Variants in TMEM156 observed in about 807,000 individuals in gnomAD.
The protein encoded by TMEM156 is transmembrane protein 156.
TMEM156 carries 28 observed loss-of-function variants against 30.5 expected under a neutral mutation model. The ratio of observed to expected loss-of-function variants is 0.92; its 90% CI spans 0.68 to 1.26. TMEM156 has a LOEUF of 1.26. Among genes scored for constraint, TMEM156 ranks in the 50% most tolerant of loss-of-function variants. The pLI is 0.00. For synonymous variants in TMEM156, 137 were observed against 119.9 expected (o/e 1.14, Z -0.93); for missense variants, 351 against 340.6 (o/e 1.03, Z -0.24).
At chr4:38,992,267 A>G (rs944327402) in intron 3 of TMEM156, among the ~76,000 whole-genome samples, 9 of 150,250 alleles carry the variant, frequency 6.0e-5, no homozygotes, top group African/African-American at 2.0e-4. Context: ...GCCCTCTTTC[A>G]GATTGTTTCA....
intron 5 of TMEM156, among the ~76,000 whole-genome samples, chr4:38,973,985 A>G (rs1043008283): frequency 2.6e-5 from 4 of 152,014 alleles, no homozygotes; most frequent in Admixed American, 2.0e-4. Context: ...AAATATGATG[A>G]TGAGTAACAG....
intron 5 of TMEM156, among the ~76,000 whole-genome samples, chr4:38,984,493 C>T (rs1711824181): frequency 6.6e-6 from 1 of 152,000 alleles, no homozygotes; most frequent in South Asian, 2.1e-4. Context: ...GTCACCACCG[C>T]TTTGAACTAC....
rs372661252 is a variant in TMEM156, at chr4:38,969,545, A to G, written c.*38+1487T>C. 9.4e-4 allele frequency among the ~76,000 whole-genome samples: 143 copies of G among 152,326 alleles called. 2 individuals are homozygous for G. In the South Asian group the frequency reaches 0.024, roughly 26 times the overall value. ...AGTGCTACAATAAACATGTGAGTATAGGTATCCCTTTGCTATAGTGATTTA... is the reference window on the plus strand; with the variant it reads ...AGTGCTACAATAAACATGTGAGTATGGGTATCCCTTTGCTATAGTGATTTA... On this transcript the variant is annotated intron_variant, in intron 6 of 6. Transcript: ENST00000381938.
At chr4:39,004,982 A>G (rs1713628129) in intron 1 of TMEM156, among the ~76,000 whole-genome samples, 1 of 152,228 alleles carries the variant, frequency 6.6e-6, no homozygotes, top group Non-Finnish European at 1.5e-5. Context: ...AAACAATTCA[A>G]ATGTCTAAAA....
intron 6 of TMEM156, among the ~76,000 whole-genome samples, chr4:38,969,640 C>T (rs912246623): frequency 4.6e-5 from 7 of 152,216 alleles, no homozygotes; most frequent in East Asian, 1.9e-4. Flanking sequence ...CAAGCTAGAG[C>T]GCAGTGGCAT....
intron 6 of TMEM156, among the ~76,000 whole-genome samples, chr4:38,967,995 C>T (rs1445411159): frequency 3.3e-5 from 5 of 152,216 alleles, no homozygotes; most frequent in African/African-American, 1.2e-4. Flanking sequence ...AGTTTACATT[C>T]CTACCAGCAG....
At chr4:39,006,107 G>T (rs571563694) in intron 1 of TMEM156, among the ~76,000 whole-genome samples, 23 of 152,144 alleles carry the variant, frequency 1.5e-4, no homozygotes, top group Admixed American at 1.5e-3. Context: ...TATTGGCCAG[G>T]CTGGTCTCAA....
intron 5 of TMEM156, 32 bp downstream of exon 5, chr4:38,986,304 G>C (rs376321373): frequency 6.7e-7 from 1 of 1,503,206 alleles, no homozygotes; most frequent in South Asian, 1.1e-5. Flanking sequence ...AATTTCCTGA[G>C]TGCTGTTTTG....
At chr4:38,984,163 C>T (rs1711781696) in intron 5 of TMEM156, among the ~76,000 whole-genome samples, 1 of 152,216 alleles carries the variant, frequency 6.6e-6, no homozygotes, top group Admixed American at 6.5e-5. Flanking sequence ...TCTCTTTCTA[C>T]AGCAGCAGGA....
chr4:39,026,381 A>G (rs937858042), intron 1 of TMEM156, among the ~76,000 whole-genome samples: 2 of 152,024 alleles, frequency 1.3e-5, no homozygotes, highest in Non-Finnish European at 2.9e-5. Flanking sequence ...TTAAAAAAAA[A>G]AGAGATATAC....
At chr4:39,014,002 G>A (rs1308708309) in intron 1 of TMEM156, among the ~76,000 whole-genome samples, 1 of 152,068 alleles carries the variant, frequency 6.6e-6, no homozygotes, top group Non-Finnish European at 1.5e-5. Flanking sequence ...CACCTTATAG[G>A]ATGAAAACAG....
chr4:38,979,953 G>A (rs1178797604), intron 5 of TMEM156, among the ~76,000 whole-genome samples: 1 of 152,094 alleles, frequency 6.6e-6, no homozygotes, highest in Non-Finnish European at 1.5e-5. Context: ...ACATAAAAAC[G>A]TTGGCAGTTT....
At chr4:39,013,203 A>T (rs1413653043) in intron 1 of TMEM156, among the ~76,000 whole-genome samples, 1 of 149,956 alleles carries the variant, frequency 6.7e-6, no homozygotes, top group African/African-American at 2.4e-5. Context: ...CGGGAAACTG[A>T]GGTGGGAGGA....
At chr4:38,970,641 A>G (rs1722555025) in intron 6 of TMEM156, among the ~76,000 whole-genome samples, 1 of 152,238 alleles carries the variant, frequency 6.6e-6, no homozygotes, top group African/African-American at 2.4e-5. Context: ...AATTTAGATT[A>G]TCAGATGTTA....
intron 1 of TMEM156, among the ~76,000 whole-genome samples, chr4:39,026,016 A>G (rs1204325432): frequency 6.6e-6 from 1 of 152,214 alleles, no homozygotes; most frequent in Non-Finnish European, 1.5e-5. Flanking sequence ...AGTGCCCTTA[A>G]TATGACAGAC....
chr4:38,989,277 A>G (rs1001292397), intron 3 of TMEM156, among the ~76,000 whole-genome samples: 1 of 152,210 alleles, frequency 6.6e-6, no homozygotes, highest in African/African-American at 2.4e-5. Context: ...CTAAGGTAAG[A>G]CCACAACATA....
At chr4:38,971,819 C>T (rs542880952) in intron 5 of TMEM156, among the ~76,000 whole-genome samples, 6 of 151,856 alleles carry the variant, frequency 4.0e-5, no homozygotes, top group African/African-American at 7.2e-5. Flanking sequence ...GACAGAGTTT[C>T]GCTCTTGTTG....
chr4:38,986,641 T>C (rs1224643389), intron 4 of TMEM156, among the ~76,000 whole-genome samples: 1 of 151,114 alleles, frequency 6.6e-6, no homozygotes, highest in Non-Finnish European at 1.5e-5. Context: ...ACCCCATCTC[T>C]ACTAAAAAAT....
intron 3 of TMEM156, among the ~76,000 whole-genome samples, chr4:38,991,262 T>A (rs1379400693): frequency 6.9e-6 from 1 of 145,218 alleles, no homozygotes; most frequent in Non-Finnish European, 1.5e-5. Context: ...TTCACTCTGT[T>A]ACCCAGGCTG....
Sources: allele counts gnomAD v4.1 joint callset (sites outside exome capture counted in the v4.1 genomes callset), GRCh38; gene constraint gnomAD v4.1.1; transcripts MANE v1.5; gene names NCBI Gene and HGNC (gene_info 2026-07-23, HGNC 2026-07-21).